DOK5: variants seen among roughly 807,000 people sequenced by gnomAD.
The protein encoded by DOK5 is docking protein 5, also known as downstream of tyrosine kinase 5.
DOK5 carries 27 observed loss-of-function variants against 43.3 expected under a neutral mutation model. The ratio of observed to expected loss-of-function variants is 0.62; its 90% CI spans 0.46 to 0.86. The LOEUF is 0.86. DOK5 is among the 40% of genes least tolerant of loss of function. The probability of loss-of-function intolerance (pLI) is 0.00; values close to 1 mark genes in which losing one functional copy is unlikely to be tolerated. For synonymous variants in DOK5, 146 were observed against 140.1 expected (o/e 1.04, Z -0.30); for missense variants, 373 against 392.9 (o/e 0.95, Z 0.43).
intron 2 of DOK5, among the ~76,000 whole-genome samples, chr20:54,565,143 A>G (rs1985050886): frequency 6.6e-6 from 1 of 152,186 alleles, no homozygotes; most frequent in Non-Finnish European, 1.5e-5. Flanking sequence ...ATACATTCCA[A>G]GACCCCCAGT....
In DOK5 at chr20:54,608,326, T is replaced by C. The variant is rs1280278502; in HGVS notation, c.600-2062T>C. ...GTGGCCACTTTTTCCTCTTAAAGAATTGATTAAGATTACTTCCTTCTCTTG... is the reference window on the plus strand; with the variant it reads ...GTGGCCACTTTTTCCTCTTAAAGAACTGATTAAGATTACTTCCTTCTCTTG... On this transcript the variant is annotated intron_variant, in intron 5 of 7. Transcript: ENST00000262593. Among the ~76,000 whole-genome samples the C allele has an allele frequency of 2.0e-5, 3 of 152,188 alleles. No individual in the cohort carries two copies. The East Asian group carries it at 5.8e-4, about 29-fold the overall frequency.
intron 1 of DOK5, among the ~76,000 whole-genome samples, chr20:54,541,557 T>C (rs1984158851): frequency 1.3e-5 from 2 of 152,156 alleles, no homozygotes; most frequent in South Asian, 4.2e-4. Flanking sequence ...TGCCTCAGCC[T>C]CCCGAGTAGC....
At chr20:54,637,926 T>C (rs768805585) in intron 6 of DOK5, among the ~76,000 whole-genome samples, 7 of 152,194 alleles carry the variant, frequency 4.6e-5, no homozygotes, top group Middle Eastern at 3.4e-3. Flanking sequence ...ATCAAGACCA[T>C]CGTGGCTAAC....
At chr20:54,495,966 T>C (rs1013301801) in intron 1 of DOK5, among the ~76,000 whole-genome samples, 3 of 152,222 alleles carry the variant, frequency 2.0e-5, no homozygotes, top group Non-Finnish European at 4.4e-5. Flanking sequence ...CACATAGGAC[T>C]GCAAAAGTTC....
chr20:54,507,037 T>C (rs1170895703), intron 1 of DOK5, among the ~76,000 whole-genome samples: 3 of 152,192 alleles, frequency 2.0e-5, no homozygotes, highest in South Asian at 2.1e-4. Context: ...TGCATCTAAG[T>C]GCTCAGTAAA....
At chr20:54,647,689 C>T (rs57290476) in intron 7 of DOK5, among the ~76,000 whole-genome samples, 1,622 of 52,360 alleles carry the variant, frequency 0.031, 36 homozygotes, top group African/African-American at 0.11. Flanking sequence ...CAGCACCTTT[C>T]CCCTAAGAAA....
intron 1 of DOK5, among the ~76,000 whole-genome samples, chr20:54,517,897 C>A (rs114970999): frequency 5.9e-5 from 9 of 152,278 alleles, no homozygotes. Context: ...CTGAACTTGC[C>A]AGTGCCTTGA....
intron 1 of DOK5, among the ~76,000 whole-genome samples, chr20:54,524,147 G>A (rs532955455): frequency 1.5e-3 from 233 of 152,280 alleles, no homozygotes; most frequent in Non-Finnish European, 2.9e-3. Context: ...AGGCTGAGGG[G>A]AGAAAAGTAG....
chr20:54,480,544 A>C (rs1054672536), intron 1 of DOK5, among the ~76,000 whole-genome samples: 6 of 152,238 alleles, frequency 3.9e-5, no homozygotes, highest in African/African-American at 1.2e-4. Context: ...GGCAACCAGC[A>C]GCCCTCGGGG....
chr20:54,607,959 G>A (rs1228888804), intron 5 of DOK5, among the ~76,000 whole-genome samples: 3 of 152,048 alleles, frequency 2.0e-5, no homozygotes, highest in Non-Finnish European at 4.4e-5. Context: ...GATTTTCCAA[G>A]AGTAAAATTA....
intron 1 of DOK5, among the ~76,000 whole-genome samples, chr20:54,480,261 A>T (rs1460245938): frequency 6.6e-6 from 1 of 152,114 alleles, no homozygotes; most frequent in Admixed American, 6.5e-5. Flanking sequence ...AAGTCACAGG[A>T]TGAGATAGGA....
chr20:54,489,832 A>G (rs77592603), intron 1 of DOK5, among the ~76,000 whole-genome samples: 4,035 of 152,256 alleles, frequency 0.027, 171 homozygotes, highest in African/African-American at 0.088. Context: ...GGAGAGCCTG[A>G]AGGTGAATAA....
intron 2 of DOK5, among the ~76,000 whole-genome samples, chr20:54,559,872 G>C (rs1334233413): frequency 6.6e-6 from 1 of 152,158 alleles, no homozygotes; most frequent in Non-Finnish European, 1.5e-5. Context: ...TTAAATGAAC[G>C]TGAATGTATT....
chr20:54,558,519 C>G (rs1360872610), intron 2 of DOK5, among the ~76,000 whole-genome samples: 1 of 152,114 alleles, frequency 6.6e-6, no homozygotes, highest in Non-Finnish European at 1.5e-5. Context: ...TCTCGGGGCA[C>G]ATAAAAAGCT....
At chr20:54,638,049 G>A (rs1300957120) in intron 6 of DOK5, among the ~76,000 whole-genome samples, 1 of 151,744 alleles carries the variant, frequency 6.6e-6, no homozygotes, top group African/African-American at 2.4e-5. Flanking sequence ...GTGAACCCGG[G>A]AGGCGGAGCT....
chr20:54,521,701 G>T (rs2146697081), intron 1 of DOK5, among the ~76,000 whole-genome samples: 1 of 152,212 alleles, frequency 6.6e-6, no homozygotes, highest in South Asian at 2.1e-4. Context: ...TTGAATCATT[G>T]GACATTGGTG....
chr20:54,563,287 C>T (rs1349964890), intron 2 of DOK5, among the ~76,000 whole-genome samples: 2 of 152,154 alleles, frequency 1.3e-5, no homozygotes, highest in Admixed American at 6.5e-5. Context: ...AATTCACCTC[C>T]CGAGGCTTAA....
At position 54,475,611 on chromosome 20, in the gene DOK5, G is replaced by C. The variant is rs1306539399; in HGVS notation, c.-336G>C. Reference sequence around the variant, plus strand: ...CCTCCTCCTTCTTCTCCTCCTTCTCGGCCGGGAGGAGGCAGGGCTGGATCC... The same window carrying C: ...CCTCCTCCTTCTTCTCCTCCTTCTCCGCCGGGAGGAGGCAGGGCTGGATCC... On this transcript the variant is annotated 5_prime_UTR_variant, in exon 1 of 8. Coordinates refer to ENST00000262593, the MANE Select transcript of DOK5 (RefSeq NM_018431.5). The surrounding 1 kb of genome is among the most constrained non-coding windows in gnomAD (Gnocchi z 4.2). The C allele has an allele frequency of 2.9e-5, 10 of 339,208 alleles. No homozygotes were observed. The highest frequency in any genetic ancestry group is 9.1e-5 in the Admixed American group (2 of 22,004). The allele number at this position is 339,208 out of a possible 1,614,324, so 21.0% of individuals were successfully genotyped here. A position where few individuals can be genotyped will look rare whatever the true frequency, so the allele number is the denominator to read the frequency against.
At chr20:54,515,798 T>A (rs1962737342) in intron 1 of DOK5, among the ~76,000 whole-genome samples, 2 of 152,336 alleles carry the variant, frequency 1.3e-5, no homozygotes, top group Non-Finnish European at 2.9e-5. Flanking sequence ...TTGTACCTCC[T>A]GGGGAGATGC....
Sources: gnomAD v4.1 joint callset for allele counts (sites outside exome capture counted in the v4.1 genomes callset) on GRCh38, gnomAD v4.1.1 for gene constraint, Gnocchi (gnomAD v3.1) non-coding constraint, MANE v1.5 for transcripts, NCBI Gene and HGNC (gene_info 2026-07-23, HGNC 2026-07-21) for gene names.